AGFG1: variants seen among roughly 807,000 people sequenced by gnomAD.
AGFG1 encodes the protein ArfGAP with FG repeats 1.
AGFG1 carries 10 observed loss-of-function variants against 60.6 expected under a neutral mutation model. The observed-to-expected ratio is 0.16, with a 90% CI of 0.10 to 0.28. AGFG1 has a LOEUF of 0.28. AGFG1 is among the 10% of genes least tolerant of loss of function. AGFG1 has a pLI of 1.00. For synonymous variants in AGFG1, 247 were observed against 242.9 expected, an observed-to-expected ratio of 1.02 and a Z score of -0.16; for missense variants, 537 against 676.5, an observed-to-expected ratio of 0.79 and a Z score of 2.29.
At chr2:227,496,700 G>T (rs925090967) in intron 2 of AGFG1, among the ~76,000 whole-genome samples, 1 of 152,148 alleles carries the variant, frequency 6.6e-6, no homozygotes, top group Non-Finnish European at 1.5e-5. Flanking sequence ...AGGATTTTTT[G>T]AATTAGGCCA....
intron 2 of AGFG1, among the ~76,000 whole-genome samples, chr2:227,507,834 G>GT (rs917621906): frequency 4.6e-5 from 7 of 151,508 alleles, no homozygotes; most frequent in African/African-American, 9.7e-5. Context: ...AAGCAATTAG[G>GT]TTTTTTTTAA....
At position 227,546,598 on chromosome 2, in the gene AGFG1, T is replaced by A. The variant is rs192874364; in HGVS notation, c.1379-5361T>A. Among the ~76,000 whole-genome samples, 220 of 152,298 alleles carry A rather than the reference T, an allele frequency of 1.4e-3. 2 individuals are homozygous for A. The highest frequency in any genetic ancestry group is 4.5e-3 in the African/African-American group (186 of 41,570). ...GCTGGGAGCTGTAGACTGGAGCCGT[T>A]CCTATTCTGCCATCTTGGAACTCCC... On this transcript the variant is annotated intron_variant, in intron 10 of 12. Coordinates refer to ENST00000310078, the MANE Select transcript of AGFG1 (RefSeq NM_004504.5).
At chr2:227,511,672 A>AT (rs1438107752) in intron 2 of AGFG1, among the ~76,000 whole-genome samples, 1 of 152,188 alleles carries the variant, frequency 6.6e-6, no homozygotes, top group Non-Finnish European at 1.5e-5. Flanking sequence ...TTGTGCATAC[A>AT]TTTGAGGGCT....
At chr2:227,520,665 T>G (rs1441121547) in intron 3 of AGFG1, among the ~76,000 whole-genome samples, 1 of 152,224 alleles carries the variant, frequency 6.6e-6, no homozygotes, top group Non-Finnish European at 1.5e-5. Flanking sequence ...CCCCTTGCTA[T>G]GGAATAGGGA....
chr2:227,542,708 T>C (rs543796361), intron 10 of AGFG1, among the ~76,000 whole-genome samples: 1 of 152,362 alleles, frequency 6.6e-6, no homozygotes, highest in South Asian at 2.1e-4. Context: ...CTTTTTCTAT[T>C]GATTGGAAGT....
rs112279542 is a variant in AGFG1 at position 227,491,432 on chromosome 2, A to G, written c.168-115A>G. 3,412 of 619,282 alleles carry G rather than the reference A, an allele frequency of 5.5e-3. 98 individuals carry two copies. In the African/African-American group the frequency reaches 0.06, roughly 11 times the overall value. The allele number at this position is 619,282 out of a possible 1,614,324, so 38.4% of individuals were successfully genotyped here. A position where few individuals can be genotyped will look rare whatever the true frequency, so the allele number is the denominator to read the frequency against. ...TTTAAAAATACTTTGAGTTTATGGA[A>G]TGAAAACACTGTTTCAAGTTTGTGT... On this transcript the variant is annotated intron_variant, in intron 1 of 12. Transcript: ENST00000310078.
chr2:227,500,504 A>G (rs1691121631), intron 2 of AGFG1, among the ~76,000 whole-genome samples: 1 of 152,184 alleles, frequency 6.6e-6, no homozygotes, highest in Non-Finnish European at 1.5e-5. Flanking sequence ...CTAGGTAGCT[A>G]CAGCAAGACT....
At chr2:227,490,346 A>G (rs1262052961) in intron 1 of AGFG1, among the ~76,000 whole-genome samples, 1 of 152,144 alleles carries the variant, frequency 6.6e-6, no homozygotes. Flanking sequence ...TGGGAGGCCG[A>G]GGCAGGTGGA....
At position 227,561,086 on chromosome 2, in the gene AGFG1, T is replaced by C. The variant is rs1559209651; in HGVS notation, c.*6591T>C. ...GTGGTTTTAAATATTGGATGAAAACTTACAGGCTGTTTTCAATATTCATTT... is the reference window on the plus strand; with the variant it reads ...GTGGTTTTAAATATTGGATGAAAACCTACAGGCTGTTTTCAATATTCATTT... On this transcript the variant is annotated 3_prime_UTR_variant, in exon 13 of 13. Transcript: ENST00000310078. 2 of 152,178 alleles carry C rather than the reference T, an allele frequency of 1.3e-5. No homozygotes were observed. Among genetic ancestry groups the C allele is most frequent in the South Asian group, 4.1e-4 (2 of 4,832 alleles). 9.4% of individuals were successfully genotyped at this position (152,178 alleles called of 1,614,324 possible). A position where few individuals can be genotyped will look rare whatever the true frequency, so the allele number is the denominator to read the frequency against.
chr2:227,541,256 C>A (rs551825966), intron 10 of AGFG1, among the ~76,000 whole-genome samples: 1 of 152,094 alleles, frequency 6.6e-6, no homozygotes, highest in Non-Finnish European at 1.5e-5. Flanking sequence ...GTTTTAGTCA[C>A]GAAGTCCTTG....
chr2:227,552,825 A>G (rs933784435), intron 11 of AGFG1, among the ~76,000 whole-genome samples: 18 of 151,486 alleles, frequency 1.2e-4, no homozygotes, highest in Non-Finnish European at 2.2e-4. Context: ...AACATAGAGA[A>G]ACCCCGTCTC....
rs117107110 is a variant in AGFG1 at position 227,498,548 on chromosome 2, A to G, written c.261+6908A>G. 1.1e-3 allele frequency among the ~76,000 whole-genome samples: 166 copies of G among 152,338 alleles called. 1 individual carries two copies. In the East Asian group the frequency reaches 0.013, roughly 12 times the overall value. Reference sequence around the variant, plus strand: ...CATTTTGAAAGGAAGGTATGGTGCTATGGCTCTTCTAAATATTAGCTGAAT... The same window carrying G: ...CATTTTGAAAGGAAGGTATGGTGCTGTGGCTCTTCTAAATATTAGCTGAAT... On this transcript the variant is annotated intron_variant, in intron 2 of 12. Transcript: ENST00000310078.
chr2:227,527,892 A>T (rs1258427262), intron 5 of AGFG1, among the ~76,000 whole-genome samples: 1 of 152,230 alleles, frequency 6.6e-6, no homozygotes, highest in Non-Finnish European at 1.5e-5. Context: ...TCACAATTTT[A>T]TGAGCATAAC....
intron 2 of AGFG1, among the ~76,000 whole-genome samples, chr2:227,516,497 A>C (rs1175327430): frequency 1.3e-5 from 2 of 152,196 alleles, no homozygotes; most frequent in South Asian, 2.1e-4. Context: ...TTTGACAGTG[A>C]GACAGTTTGA....
chr2:227,501,307 C>T (rs1691148167), intron 2 of AGFG1, among the ~76,000 whole-genome samples: 9 of 152,200 alleles, frequency 5.9e-5, no homozygotes, highest in Admixed American at 5.9e-4. Flanking sequence ...TCTTGAACTC[C>T]TGACCTCAGG....
At chr2:227,516,634 GTCAAATAGTTTATCA>G (rs371355592) in intron 2 of AGFG1, among the ~76,000 whole-genome samples, 21 of 152,302 alleles carry the variant, frequency 1.4e-4, no homozygotes, top group African/African-American at 5.1e-4. Flanking sequence ...GGCTGCTTAT[GTCAAATAGTTTATCA>G]TCAAGCACTC....
At chr2:227,546,226 G>A (rs1413065226) in intron 10 of AGFG1, among the ~76,000 whole-genome samples, 1 of 152,162 alleles carries the variant, frequency 6.6e-6, no homozygotes, top group Non-Finnish European at 1.5e-5. Context: ...CTGCCGCCTC[G>A]CAGTTCAATC....
intron 1 of AGFG1, among the ~76,000 whole-genome samples, chr2:227,479,049 C>G (rs1690378704): frequency 6.6e-6 from 1 of 152,190 alleles, no homozygotes; most frequent in Non-Finnish European, 1.5e-5. Context: ...AAAACTCACT[C>G]TCTCCTGAGA....
chr2:227,526,001 C>A (rs1691978146), intron 5 of AGFG1, among the ~76,000 whole-genome samples: 1 of 152,130 alleles, frequency 6.6e-6, no homozygotes, highest in African/African-American at 2.4e-5. Flanking sequence ...TGATTCTTTT[C>A]CATCAGATAT....
Sources: allele counts gnomAD v4.1 joint callset (sites outside exome capture counted in the v4.1 genomes callset), GRCh38; gene constraint gnomAD v4.1.1; transcripts MANE v1.5; gene names NCBI Gene and HGNC (gene_info 2026-07-23, HGNC 2026-07-21).